The following C17orf67 variants were observed in gnomAD, a reference collection of about 807,000 sequenced individuals.
C17orf67 encodes the protein uncharacterized protein C17orf67.
Under a neutral mutation model 11.2 loss-of-function variants are expected in C17orf67, and 12 were observed. The ratio of observed to expected loss-of-function variants is 1.07; its 90% CI spans 0.68 to 1.73. The LOEUF is 1.73. C17orf67 is among the 40% of genes most tolerant of loss of function. C17orf67 has a pLI of 0.00. For synonymous variants in C17orf67, 59 were observed against 46.9 expected, an observed-to-expected ratio of 1.26 and a Z score of -1.05; for missense variants, 115 against 113.5, an observed-to-expected ratio of 1.01 and a Z score of -0.06.
chr17:56,796,495 G>C (rs947965770), intron 6 of C17orf67, among the ~76,000 whole-genome samples: 3 of 152,096 alleles, frequency 2.0e-5, no homozygotes, highest in Non-Finnish European at 4.4e-5. Context: ...CATATGAAAG[G>C]TGGCCAGCCC....
chr17:56,814,757 C>T (rs1567797354), intron 6 of C17orf67, 112 bp downstream of exon 6: 10 of 1,033,266 alleles, frequency 9.7e-6, no homozygotes, highest in Admixed American at 9.1e-5. Flanking sequence ...CTACCTGAAA[C>T]TCTAACCAAA....
chr17:56,792,460 TG>T (rs1905120683), intron 7 of C17orf67, 108 bp from the exon 8 acceptor site: 1 of 150,078 alleles, frequency 6.7e-6, no homozygotes, highest in Non-Finnish European at 1.5e-5. Context: ...GTGATTGTGG[TG>T]GTGGTAATAG....
chr17:56,831,025 A>G (rs903633863), intron 2 of C17orf67, among the ~76,000 whole-genome samples: 1 of 152,206 alleles, frequency 6.6e-6, no homozygotes, highest in Non-Finnish European at 1.5e-5. Context: ...AGAGTGGTAA[A>G]TGAGTGAAGG....
chr17:56,791,982 A>T lies in C17orf67; in HGVS notation c.*391T>A, dbSNP rs1174477413. 6.6e-6 allele frequency: 1 copy of T among 152,172 alleles called. No homozygotes were observed. Among genetic ancestry groups the T allele is most frequent in the East Asian group, 1.9e-4 (1 of 5,194 alleles). The allele number at this position is 152,172 out of a possible 1,614,324, so 9.4% of individuals were successfully genotyped here. A position where few individuals can be genotyped will look rare whatever the true frequency, so the allele number is the denominator to read the frequency against. On this transcript the variant is annotated 3_prime_UTR_variant, in exon 8 of 8. Coordinates refer to ENST00000397861, the MANE Select transcript of C17orf67 (RefSeq NM_001085430.4). ...AAAATAGAGGACAAAACAACTCAGC[A>T]ACCCCAAGTGGTATGCTTCACTACT...
At chr17:56,818,735 C>T (rs1905824789) in intron 4 of C17orf67, among the ~76,000 whole-genome samples, 1 of 152,040 alleles carries the variant, frequency 6.6e-6, no homozygotes, top group Admixed American at 6.6e-5. Context: ...TCAATATAAA[C>T]AAGTTGTCAA....
At chr17:56,830,498 G>T (rs1906169900) in intron 2 of C17orf67, among the ~76,000 whole-genome samples, 1 of 152,212 alleles carries the variant, frequency 6.6e-6, no homozygotes, top group Non-Finnish European at 1.5e-5. Context: ...CATGGAGATG[G>T]TTTTATTTCA....
chr17:56,828,929 T>A (rs576739304), intron 2 of C17orf67, among the ~76,000 whole-genome samples: 1 of 150,666 alleles, frequency 6.6e-6, no homozygotes, highest in Admixed American at 6.6e-5. Flanking sequence ...TATTTAAACA[T>A]CCCCAGTTTT....
chr17:56,796,414 C>A lies in C17orf67; in HGVS notation c.157-1234G>T, dbSNP rs537546944. Among the ~76,000 whole-genome samples the A allele has an allele frequency of 1.2e-4, 18 of 152,308 alleles. No individual in the cohort carries two copies. In the East Asian group the frequency reaches 3.5e-3, roughly 29 times the overall value. On this transcript the variant is annotated intron_variant, in intron 6 of 7. Transcript: ENST00000397861. ...CTACAACATGGATGAACCTTGAGAA[C>A]ATTATGCTAAGTGACAGAAGCCACT...
At chr17:56,822,759 G>A (rs1905936242) in intron 4 of C17orf67, among the ~76,000 whole-genome samples, 1 of 152,202 alleles carries the variant, frequency 6.6e-6, no homozygotes, top group South Asian at 2.1e-4. Context: ...TCTAATGTGA[G>A]TTGACTTGCC....
intron 4 of C17orf67, among the ~76,000 whole-genome samples, chr17:56,822,298 T>C (rs1270636421): frequency 6.6e-6 from 1 of 152,196 alleles, no homozygotes; most frequent in Non-Finnish European, 1.5e-5. Context: ...TGCCAGAACA[T>C]TCATTCAAAA....
intron 5 of C17orf67, 133 bp from the exon 6 acceptor site, chr17:56,815,102 C>T: frequency 1.3e-6 from 1 of 749,602 alleles, no homozygotes; most frequent in East Asian, 2.5e-5. Context: ...GGGACCTGTC[C>T]CAAAGGATGC....
chr17:56,805,638 AT>A (rs773855860), intron 6 of C17orf67, among the ~76,000 whole-genome samples: 128 of 152,358 alleles, frequency 8.4e-4, no homozygotes, highest in Non-Finnish European at 1.3e-3. Context: ...AGCTTTAAAA[AT>A]ATTCTGATTC....
intron 4 of C17orf67, among the ~76,000 whole-genome samples, chr17:56,824,123 AC>A (rs1905969987): frequency 6.6e-6 from 1 of 152,126 alleles, no homozygotes; most frequent in South Asian, 2.1e-4. Flanking sequence ...CGGGAGCACC[AC>A]CCTCCTGAAT....
chr17:56,822,973 C>A (rs1045796020), intron 4 of C17orf67, among the ~76,000 whole-genome samples: 3 of 152,190 alleles, frequency 2.0e-5, no homozygotes, highest in Admixed American at 6.5e-5. Flanking sequence ...TATGTCTGCC[C>A]AGCAGGTGAG....
At chr17:56,816,975 G>A (rs1235654512) in intron 4 of C17orf67, among the ~76,000 whole-genome samples, 4 of 151,714 alleles carry the variant, frequency 2.6e-5, no homozygotes, top group African/African-American at 7.3e-5. Flanking sequence ...TCAGCCTCCC[G>A]AGTAGCTGGG....
At chr17:56,805,512 T>C (rs1905425108) in intron 6 of C17orf67, among the ~76,000 whole-genome samples, 2 of 152,204 alleles carry the variant, frequency 1.3e-5, no homozygotes, top group Admixed American at 6.5e-5. Flanking sequence ...TCCCATGATA[T>C]CTCTACCTTA....
At chr17:56,813,750 G>A (rs1016491024) in intron 6 of C17orf67, among the ~76,000 whole-genome samples, 11 of 151,970 alleles carry the variant, frequency 7.2e-5, no homozygotes, top group Non-Finnish European at 1.3e-4. Flanking sequence ...ACCATTTGCT[G>A]AGCACTTTCT....
chr17:56,827,262 G>T (rs118041341), intron 2 of C17orf67, among the ~76,000 whole-genome samples: 8,374 of 152,300 alleles, frequency 0.055, 281 homozygotes, highest in Admixed American at 0.1. Context: ...GAGACAAGTA[G>T]ATTTTATTTA....
At chr17:56,827,669 C>G (rs559620696) in intron 2 of C17orf67, among the ~76,000 whole-genome samples, 1 of 152,202 alleles carries the variant, frequency 6.6e-6, no homozygotes, top group Non-Finnish European at 1.5e-5. Context: ...CTGGACTGAA[C>G]CCTGGGAAGC....
Sources: gnomAD v4.1 joint callset for allele counts (sites outside exome capture counted in the v4.1 genomes callset) on GRCh38, gnomAD v4.1.1 for gene constraint, MANE v1.5 for transcripts, NCBI Gene and HGNC (gene_info 2026-07-23, HGNC 2026-07-21) for gene names.